SH3PXD2B: variants seen among roughly 807,000 people sequenced by gnomAD.
The protein encoded by SH3PXD2B is SH3 and PX domain-containing protein 2B.
A neutral mutation model predicts 73.1 loss-of-function variants in SH3PXD2B; 37 were observed. That is an observed-to-expected ratio of 0.51 (90% confidence interval 0.39 to 0.67). SH3PXD2B has a LOEUF of 0.67. Among genes scored for constraint, SH3PXD2B ranks in the 30% least tolerant of loss-of-function variants. SH3PXD2B has a pLI of 0.00. For synonymous variants in SH3PXD2B, 457 were observed against 480.5 expected, an observed-to-expected ratio of 0.95 and a Z score of 0.64; for missense variants, 1,053 against 1,197.8, an observed-to-expected ratio of 0.88 and a Z score of 1.78.
At chr5:172,349,324 A>C (rs1416988941) in intron 10 of SH3PXD2B, among the ~76,000 whole-genome samples, 2 of 152,190 alleles carry the variant, frequency 1.3e-5, no homozygotes, top group Non-Finnish European at 1.5e-5. Flanking sequence ...AACAGAGTTC[A>C]CCTGCCCTGC....
At chr5:172,377,378 A>C (rs1483627547) in intron 5 of SH3PXD2B, among the ~76,000 whole-genome samples, 3 of 152,152 alleles carry the variant, frequency 2.0e-5, no homozygotes, top group East Asian at 3.9e-4. Flanking sequence ...CAAGTTCACC[A>C]TCCCTAAACC....
chr5:172,345,886 G>A (rs1420454777), intron 12 of SH3PXD2B, among the ~76,000 whole-genome samples: 2 of 152,220 alleles, frequency 1.3e-5, no homozygotes, highest in African/African-American at 4.8e-5. Context: ...GAGGGTGGCT[G>A]TTGATGGGTA....
intron 12 of SH3PXD2B, among the ~76,000 whole-genome samples, chr5:172,325,968 G>A (rs1422204932): frequency 6.6e-6 from 1 of 152,118 alleles, no homozygotes; most frequent in Non-Finnish European, 1.5e-5. Context: ...TGTATTTTTA[G>A]TAGAGACAGG....
At chr5:172,406,490 A>G in intron 2 of SH3PXD2B, 138 bp from the exon 3 acceptor site, 2 of 944,398 alleles carry the variant, frequency 2.1e-6, no homozygotes, top group East Asian at 2.7e-5. Context: ...CAGAAACCCA[A>G]ACTAATGGGA....
intron 4 of SH3PXD2B, among the ~76,000 whole-genome samples, chr5:172,382,515 T>C (rs1388737432): frequency 6.6e-6 from 1 of 151,244 alleles, no homozygotes; most frequent in Non-Finnish European, 1.5e-5. Flanking sequence ...GGATGTGCAT[T>C]TCTAAAAAAG....
chr5:172,337,509 G>T lies in SH3PXD2B; in HGVS notation c.*860C>A. 1 of 985,514 alleles carries T rather than the reference G, an allele frequency of 1.0e-6. No homozygotes were observed. The highest frequency in any genetic ancestry group is 1.7e-5 in the African/African-American group (1 of 57,360). 61.0% of individuals were successfully genotyped at this position (985,514 alleles called of 1,614,324 possible). On this transcript the variant is annotated 3_prime_UTR_variant, in exon 13 of 13. Coordinates refer to ENST00000311601, the MANE Select transcript of SH3PXD2B (RefSeq NM_001017995.3). ...GGCACCCACGAGGCACTCAGCAAAG[G>T]GGTGCTCACAAGGGCACGACTTGTG...
rs1757606182 is a variant in SH3PXD2B, at chr5:172,368,569, ATATGTTATATATATATATAAAATATGT to A, written c.427+5194_427+5220del. ...TATATATATATTATATATATATAAA[ATATGTTATATATATATATAAAATATGT>A]TATATATATAATATATATGTTATAT... On this transcript the variant is annotated intron_variant, in intron 6 of 12. Transcript: ENST00000311601. Among the ~76,000 whole-genome samples the A allele has an allele frequency of 1.2e-4, 2 of 16,632 alleles. 1 individual carries two copies. The highest frequency in any genetic ancestry group is 9.5e-4 in the African/African-American group (2 of 2,112). The allele number at this position is 16,632 out of a possible 152,430, so 10.9% of individuals were successfully genotyped here. A position where few individuals can be genotyped will look rare whatever the true frequency, so the allele number is the denominator to read the frequency against.
intron 12 of SH3PXD2B, among the ~76,000 whole-genome samples, chr5:172,326,146 G>A (rs955055877): frequency 6.6e-6 from 1 of 152,214 alleles, no homozygotes; most frequent in Non-Finnish European, 1.5e-5. Flanking sequence ...CTGAATTTAG[G>A]AGGGGACACA....
At chr5:172,451,209 G>A (rs1759789465) in intron 1 of SH3PXD2B, among the ~76,000 whole-genome samples, 1 of 152,226 alleles carries the variant, frequency 6.6e-6, no homozygotes, top group African/African-American at 2.4e-5. Context: ...GACATCTACA[G>A]CACCTGTGAC....
chr5:172,395,326 C>A (rs1758269776), intron 3 of SH3PXD2B, among the ~76,000 whole-genome samples: 1 of 152,236 alleles, frequency 6.6e-6, no homozygotes, highest in Non-Finnish European at 1.5e-5. Context: ...ATGAATGTGG[C>A]TTCCACCTGC....
At chr5:172,331,151 C>T (rs1321972194), downstream of SH3PXD2B, among the ~76,000 whole-genome samples, 1 of 152,182 alleles carries the variant, frequency 6.6e-6, no homozygotes, top group Non-Finnish European at 1.5e-5. Flanking sequence ...GCCATGACTG[C>T]ATCGCTGCAC....
rs1193121323 is a variant in SH3PXD2B at position 172,445,748 on chromosome 5, CAG to C, written c.75+8528_75+8529del. The stretch of plus-strand genomic sequence containing the variant: ...CCCTCAGCCCTGGGAAAGCCTGAGA[CAG>C]GGCTGCAGAAGCAGGCAGGTGAGCT... On this transcript the variant is annotated intron_variant, in intron 1 of 12. Transcript: ENST00000311601. This position sits in a 1 kb window ranked among gnomAD's most constrained non-coding sequence, Gnocchi z 5.2. Among the ~76,000 whole-genome samples the C allele has an allele frequency of 1.3e-5, 2 of 152,238 alleles. No individual in the cohort carries two copies. The highest frequency in any genetic ancestry group is 2.9e-5 in the Non-Finnish European group (2 of 68,034).
chr5:172,450,965 T>A (rs1254688708), intron 1 of SH3PXD2B, among the ~76,000 whole-genome samples: 1 of 152,210 alleles, frequency 6.6e-6, no homozygotes, highest in Non-Finnish European at 1.5e-5. Flanking sequence ...ATATCATGGT[T>A]CATTGTCATC....
At chr5:172,386,788 T>C (rs1758069282) in intron 4 of SH3PXD2B, among the ~76,000 whole-genome samples, 2 of 152,212 alleles carry the variant, frequency 1.3e-5, no homozygotes, top group African/African-American at 2.4e-5. Flanking sequence ...CCACCACGCC[T>C]GGCTAATTTT....
At chr5:172,438,981 G>A (rs1183937957) in intron 1 of SH3PXD2B, among the ~76,000 whole-genome samples, 1 of 151,290 alleles carries the variant, frequency 6.6e-6, no homozygotes, top group Admixed American at 6.6e-5. Context: ...GTTCATGCCT[G>A]TAATCCCAGC....
At chr5:172,436,040 G>A (rs183446678) in intron 1 of SH3PXD2B, among the ~76,000 whole-genome samples, 79 of 152,338 alleles carry the variant, frequency 5.2e-4, no homozygotes, top group African/African-American at 1.9e-3. Context: ...GGGAGGTGCT[G>A]GCCAAGAGGT....
intron 4 of SH3PXD2B, among the ~76,000 whole-genome samples, chr5:172,392,672 C>T (rs1383905417): frequency 6.6e-6 from 1 of 151,614 alleles, no homozygotes; most frequent in African/African-American, 2.4e-5. Flanking sequence ...GTAATCCCAG[C>T]GACTCAGGAG....
chr5:172,348,637 T>TC (rs1561896320), intron 10 of SH3PXD2B, among the ~76,000 whole-genome samples: 5 of 67,206 alleles, frequency 7.4e-5, no homozygotes, highest in Non-Finnish European at 5.6e-5. Context: ...TATCTATCTA[T>TC]GTATCTATCT....
At position 172,325,262 on chromosome 5, in the gene SH3PXD2B, A is replaced by T. The variant is rs533014349; in HGVS notation, c.*14T>A. 2.0e-6 allele frequency: 3 copies of T among 1,522,992 alleles called. No homozygotes were observed. The South Asian group carries it at 3.6e-5, about 18-fold the overall frequency. 94.3% of individuals were successfully genotyped at this position (1,522,992 alleles called of 1,614,324 possible). On this transcript the variant is annotated 3_prime_UTR_variant, in exon 13 of 13. Coordinates refer to the SH3PXD2B transcript ENST00000519643. Reference sequence around the variant, plus strand: ...CAAATTCATGTTCACAGCAGCAAGGACATGACGTGGTTCTCACATCTCCAT... The same window carrying T: ...CAAATTCATGTTCACAGCAGCAAGGTCATGACGTGGTTCTCACATCTCCAT...
Sources: gnomAD v4.1 joint callset for allele counts (sites outside exome capture counted in the v4.1 genomes callset) on GRCh38, gnomAD v4.1.1 for gene constraint, Gnocchi (gnomAD v3.1) non-coding constraint, MANE v1.5 for transcripts, NCBI Gene and HGNC (gene_info 2026-07-23, HGNC 2026-07-21) for gene names.